The following CDADC1 variants were observed in gnomAD, a reference collection of about 807,000 sequenced individuals.
The protein encoded by CDADC1 is cytidine and dCMP deaminase domain containing 1.
In CDADC1, 39 loss-of-function variants were observed where a neutral mutation model predicts 54.9. The observed-to-expected ratio is 0.71, with a 90% CI of 0.55 to 0.93. The LOEUF (loss-of-function observed/expected upper bound fraction) is 0.93, where lower values mean the gene tolerates loss of function less well. Among genes scored for constraint, CDADC1 ranks in the 40% least tolerant of loss-of-function variants. The probability of loss-of-function intolerance (pLI) is 0.00; values close to 1 mark genes in which losing one functional copy is unlikely to be tolerated. For missense variants in CDADC1, 518 were observed against 618.8 expected (o/e 0.84, Z 1.73); for synonymous variants, 186 against 204.0 (o/e 0.91, Z 0.75).
chr13:49,252,053 A>G (rs546875871), intron 2 of CDADC1, among the ~76,000 whole-genome samples: 1 of 152,374 alleles, frequency 6.6e-6, no homozygotes, highest in African/African-American at 2.4e-5. Context: ...AAATGAGTAC[A>G]GAAGGCATCA....
At chr13:49,272,873 T>A (rs999913969) in intron 5 of CDADC1, among the ~76,000 whole-genome samples, 2 of 151,834 alleles carry the variant, frequency 1.3e-5, no homozygotes, top group Non-Finnish European at 2.9e-5. Context: ...GGCCAGGCTG[T>A]GTCAAGGAAT....
chr13:49,248,460 AC>A, intron 1 of CDADC1: 1 of 345,312 alleles, frequency 2.9e-6, no homozygotes, highest in Non-Finnish European at 5.3e-6. Context: ...CGACTGCTTT[AC>A]CGTCGAAGGT....
At chr13:49,259,873 C>T (rs1240611360) in intron 4 of CDADC1, among the ~76,000 whole-genome samples, 2 of 151,660 alleles carry the variant, frequency 1.3e-5, no homozygotes, top group Non-Finnish European at 1.5e-5. Flanking sequence ...AAGAAAGGAG[C>T]GTTTCTCTGA....
rs188142790 is a variant in CDADC1 at position 49,276,940 on chromosome 13, A to T, written c.1051-1410A>T. Among the ~76,000 whole-genome samples, 114 of 152,264 alleles carry T rather than the reference A, an allele frequency of 7.5e-4. 1 individual carries two copies. Among genetic ancestry groups the T allele is most frequent in the Non-Finnish European group, 1.2e-4 (8 of 68,016 alleles). On this transcript the variant is annotated intron_variant, in intron 6 of 9. Transcript: ENST00000251108. ...CATCTGGTTGTTAATGATTTTGTGG[A>T]GAATGTCAGTTTCTAGTTATCTCTA...
At chr13:49,289,120 CTTTTTTTT>C (rs66814830) in intron 9 of CDADC1, among the ~76,000 whole-genome samples, 3 of 60,990 alleles carry the variant, frequency 4.9e-5, no homozygotes, top group African/African-American at 1.3e-4. Flanking sequence ...TTTTTTTTTG[CTTTTTTTT>C]TTTTTTTTTT....
chr13:49,251,914 C>T (rs1952442249), intron 2 of CDADC1, among the ~76,000 whole-genome samples: 1 of 152,108 alleles, frequency 6.6e-6, no homozygotes, highest in Non-Finnish European at 1.5e-5. Flanking sequence ...CTGGTGGGCA[C>T]CATGGAAGTT....
intron 5 of CDADC1, among the ~76,000 whole-genome samples, chr13:49,271,654 G>T (rs1271835747): frequency 1.3e-5 from 2 of 150,694 alleles, no homozygotes; most frequent in African/African-American, 4.9e-5. Flanking sequence ...TAATTTTGAT[G>T]CAAGAGGACT....
At chr13:49,272,839 G>A (rs545714039) in intron 5 of CDADC1, among the ~76,000 whole-genome samples, 1 of 151,942 alleles carries the variant, frequency 6.6e-6, no homozygotes, top group Admixed American at 6.6e-5. Context: ...TGTATTTTTA[G>A]TAGAGACGGG....
At chr13:49,251,691 C>T (rs1952437077) in intron 2 of CDADC1, among the ~76,000 whole-genome samples, 1 of 151,894 alleles carries the variant, frequency 6.6e-6, no homozygotes, top group African/African-American at 2.4e-5. Context: ...TTTCCTCATA[C>T]TATATAGAGA....
intron 4 of CDADC1, chr13:49,266,001 G>A: frequency 7.9e-7 from 1 of 1,261,340 alleles, no homozygotes; most frequent in Middle Eastern, 2.2e-4. Context: ...ACTCTGATAT[G>A]AGGTTTGAGG....
intron 9 of CDADC1, among the ~76,000 whole-genome samples, chr13:49,291,354 T>G (rs1341388442): frequency 4.8e-5 from 7 of 145,974 alleles, no homozygotes; most frequent in Non-Finnish European, 1.1e-4. Flanking sequence ...ATTTTTTTTG[T>G]AGAGATGGGG....
At chr13:49,265,803 T>C in intron 4 of CDADC1, 1 of 1,229,070 alleles carries the variant, frequency 8.1e-7, no homozygotes, top group South Asian at 1.4e-5. Flanking sequence ...TCAAAAAATT[T>C]GAGAAACTCT....
At chr13:49,266,930 A>G (rs1163663260) in intron 4 of CDADC1, among the ~76,000 whole-genome samples, 2 of 152,178 alleles carry the variant, frequency 1.3e-5, no homozygotes, top group East Asian at 3.8e-4. Context: ...CCATGGCACC[A>G]TGGAGGACTC....
At chr13:49,281,621 C>G (rs1323529522) in intron 8 of CDADC1, among the ~76,000 whole-genome samples, 1 of 152,142 alleles carries the variant, frequency 6.6e-6, no homozygotes, top group Non-Finnish European at 1.5e-5. Flanking sequence ...CACTTGCTGC[C>G]GTGCGGCCCA....
intron 4 of CDADC1, among the ~76,000 whole-genome samples, chr13:49,263,421 C>CA (rs1176742594): frequency 2.0e-5 from 3 of 152,080 alleles, no homozygotes; most frequent in Admixed American, 1.3e-4. Flanking sequence ...GACCAATGCA[C>CA]AATGCTACAA....
At chr13:49,279,446 G>A (rs1298700506) in intron 7 of CDADC1, among the ~76,000 whole-genome samples, 2 of 152,304 alleles carry the variant, frequency 1.3e-5, no homozygotes, top group Non-Finnish European at 2.9e-5. Flanking sequence ...CAACGGTCTA[G>A]AAGTAGGAAA....
chr13:49,269,737 C>T (rs951750450), intron 5 of CDADC1, among the ~76,000 whole-genome samples: 11 of 152,138 alleles, frequency 7.2e-5, no homozygotes, highest in Non-Finnish European at 1.5e-4. Flanking sequence ...AGTAAGAGGG[C>T]GATGTGAATC....
At chr13:49,289,459 A>G (rs1204509936) in intron 9 of CDADC1, among the ~76,000 whole-genome samples, 1 of 152,136 alleles carries the variant, frequency 6.6e-6, no homozygotes, top group Non-Finnish European at 1.5e-5. Flanking sequence ...CGTATGCCCT[A>G]GAGAAACTCT....
chr13:49,286,187 C>G, intron 8 of CDADC1, 35 bp from the exon 9 acceptor site: 2 of 1,557,540 alleles, frequency 1.3e-6, no homozygotes, highest in Non-Finnish European at 8.9e-7. Flanking sequence ...ATTAAATCCT[C>G]TTTAAACAAG....
Sources: gnomAD v4.1 joint callset for allele counts (sites outside exome capture counted in the v4.1 genomes callset) on GRCh38, gnomAD v4.1.1 for gene constraint, MANE v1.5 for transcripts, NCBI Gene and HGNC (gene_info 2026-07-23, HGNC 2026-07-21) for gene names.